The following GRID2 variants were observed in gnomAD, a reference collection of about 807,000 sequenced individuals.
The protein encoded by GRID2 is glutamate receptor ionotropic, delta-2.
Under a neutral mutation model 114.8 loss-of-function variants are expected in GRID2, and 33 were observed. The observed-to-expected ratio is 0.29, with a 90% CI of 0.22 to 0.38. GRID2 has a LOEUF of 0.38. Among genes scored for constraint, GRID2 ranks in the 10% least tolerant of loss-of-function variants. The pLI, the probability that GRID2 is intolerant of heterozygous loss-of-function variation, is 1.00. For missense variants in GRID2, 1,184 were observed against 1,257.7 expected, an observed-to-expected ratio of 0.94 and a Z score of 0.89; for synonymous variants, 505 against 449.9, an observed-to-expected ratio of 1.12 and a Z score of -1.55.
chr4:93,316,975 C>A (rs546708965), intron 8 of GRID2, among the ~76,000 whole-genome samples: 20 of 152,178 alleles, frequency 1.3e-4, no homozygotes, highest in African/African-American at 4.1e-4. Flanking sequence ...AGAAACCAGA[C>A]CATAACTAAG....
chr4:93,096,800 C>G (rs1036087801), intron 3 of GRID2, among the ~76,000 whole-genome samples: 1 of 151,862 alleles, frequency 6.6e-6, no homozygotes, highest in African/African-American at 2.4e-5. Flanking sequence ...ACCTTGTATA[C>G]CTCACCTATT....
intron 9 of GRID2, among the ~76,000 whole-genome samples, chr4:93,419,003 T>C (rs2149362741): frequency 6.6e-6 from 1 of 151,872 alleles, no homozygotes. Flanking sequence ...TGACTTTGAG[T>C]TGAGATTCTT....
Position 93,294,023 on chromosome 4 carries a change from T to C in GRID2, c.1245+55533T>C, listed in dbSNP as rs370325876. Among the ~76,000 whole-genome samples, 30 of 152,240 alleles carry C rather than the reference T, an allele frequency of 2.0e-4. No homozygotes were observed. In the South Asian group the frequency reaches 6.2e-3, roughly 32 times the overall value. On this transcript the variant is annotated intron_variant, in intron 8 of 15. Coordinates refer to ENST00000282020, the MANE Select transcript of GRID2 (RefSeq NM_001510.4). ...GCAGGGACAATGGATAGTGAATAGA[T>C]GAAGGGAAAGTCATTATAATTTTGA...
chr4:92,615,408 A>G (rs1269547216), intron 2 of GRID2, among the ~76,000 whole-genome samples: 1 of 151,626 alleles, frequency 6.6e-6, no homozygotes, highest in African/African-American at 2.4e-5. Flanking sequence ...TAAATTTGAG[A>G]GGAAACAATT....
chr4:92,885,829 G>T (rs1163474881), intron 2 of GRID2, among the ~76,000 whole-genome samples: 1 of 152,146 alleles, frequency 6.6e-6, no homozygotes, highest in Non-Finnish European at 1.5e-5. Flanking sequence ...TAGACTGTTT[G>T]GAAATAGCCC....
chr4:93,265,728 G>T (rs963516869), intron 8 of GRID2, among the ~76,000 whole-genome samples: 4 of 152,160 alleles, frequency 2.6e-5, no homozygotes, highest in Non-Finnish European at 5.9e-5. Flanking sequence ...GTGAGTGACA[G>T]TGATTGTGGT....
chr4:93,482,813 A>T (rs1726006775), intron 11 of GRID2, among the ~76,000 whole-genome samples: 1 of 152,016 alleles, frequency 6.6e-6, no homozygotes, highest in South Asian at 2.1e-4. Flanking sequence ...GCCATCTCTT[A>T]TACCCATGAT....
chr4:93,022,628 T>C (rs950773201), intron 2 of GRID2, among the ~76,000 whole-genome samples: 14 of 151,998 alleles, frequency 9.2e-5, no homozygotes, highest in African/African-American at 3.4e-4. Context: ...CAAAATGTTT[T>C]CACAAAATTG....
chr4:93,202,603 G>C (rs1482430810), intron 4 of GRID2, among the ~76,000 whole-genome samples: 2 of 152,114 alleles, frequency 1.3e-5, no homozygotes, highest in Non-Finnish European at 2.9e-5. Context: ...CCTCAAGTTA[G>C]TAATGCCACT....
intron 2 of GRID2, among the ~76,000 whole-genome samples, chr4:92,922,492 C>A (rs1034646608): frequency 5.3e-5 from 8 of 152,048 alleles, no homozygotes; most frequent in Admixed American, 3.9e-4. Flanking sequence ...CTCCACCCCC[C>A]CAGAAACTGA....
At chr4:92,391,670 G>A (rs767339729) in intron 1 of GRID2, among the ~76,000 whole-genome samples, 1 of 152,130 alleles carries the variant, frequency 6.6e-6, no homozygotes, top group African/African-American at 2.4e-5. Context: ...TGGATTACAC[G>A]TATAGGTAAA....
intron 9 of GRID2, among the ~76,000 whole-genome samples, chr4:93,413,079 T>C (rs1165403167): frequency 2.0e-5 from 3 of 152,138 alleles, no homozygotes; most frequent in Non-Finnish European, 4.4e-5. Context: ...GTCTTTATAG[T>C]AGAATGATTT....
intron 1 of GRID2, among the ~76,000 whole-genome samples, chr4:92,394,356 C>T (rs1730391710): frequency 1.3e-5 from 2 of 151,966 alleles, no homozygotes; most frequent in South Asian, 4.1e-4. Context: ...GCACAGGGCA[C>T]CATAATTTTA....
intron 14 of GRID2, among the ~76,000 whole-genome samples, chr4:93,738,097 T>C (rs1731074140): frequency 6.6e-6 from 1 of 152,010 alleles, no homozygotes; most frequent in Admixed American, 6.6e-5. Flanking sequence ...GATTAATAAA[T>C]ATTAGCCAGG....
chr4:92,775,561 T>A (rs1447513876), intron 2 of GRID2, among the ~76,000 whole-genome samples: 1 of 152,166 alleles, frequency 6.6e-6, no homozygotes, highest in African/African-American at 2.4e-5. Flanking sequence ...TCCTGTTAAT[T>A]TTTCAAAGGA....
chr4:92,828,708 G>A (rs1328630852), intron 2 of GRID2, among the ~76,000 whole-genome samples: 1 of 151,688 alleles, frequency 6.6e-6, no homozygotes, highest in Non-Finnish European at 1.5e-5. Flanking sequence ...GTGTGATTTT[G>A]GTAATGTTAA....
At chr4:93,612,917 G>C (rs1741121476) in intron 13 of GRID2, among the ~76,000 whole-genome samples, 1 of 146,284 alleles carries the variant, frequency 6.8e-6, no homozygotes, top group East Asian at 2.0e-4. Context: ...TTTCCAACTT[G>C]GTTCCATTCT....
At chr4:92,540,395 C>T (rs1052577014) in intron 1 of GRID2, among the ~76,000 whole-genome samples, 7 of 152,270 alleles carry the variant, frequency 4.6e-5, no homozygotes, top group African/African-American at 1.7e-4. Context: ...GCAATCTACT[C>T]ATCTGATATA....
At chr4:93,169,181 CACAA>C (rs1360021787) in intron 4 of GRID2, among the ~76,000 whole-genome samples, 3 of 142,836 alleles carry the variant, frequency 2.1e-5, no homozygotes, top group Non-Finnish European at 4.7e-5. Flanking sequence ...CACACACACA[CACAA>C]ACTTAAAATA....
Sources: allele counts gnomAD v4.1 joint callset (sites outside exome capture counted in the v4.1 genomes callset), GRCh38; gene constraint gnomAD v4.1.1; transcripts MANE v1.5; gene names NCBI Gene and HGNC (gene_info 2026-07-23, HGNC 2026-07-21).